SYNPR: variants seen among roughly 807,000 people sequenced by gnomAD.
SYNPR encodes synaptoporin.
In SYNPR, 23 loss-of-function variants were observed where a neutral mutation model predicts 32.9. That is an observed-to-expected ratio of 0.70 (90% CI 0.50 to 0.99). The LOEUF (loss-of-function observed/expected upper bound fraction) is 0.99. Among genes scored for constraint, SYNPR ranks in the 50% least tolerant of loss-of-function variants. The pLI, the probability that SYNPR is intolerant of heterozygous loss-of-function variation, is 0.00. For missense variants in SYNPR, 318 were observed against 349.3 expected (o/e 0.91, Z 0.71); for synonymous variants, 146 against 135.9 (o/e 1.07, Z -0.52).
At chr3:63,604,640 T>G (rs1176742634) in intron 4 of SYNPR, among the ~76,000 whole-genome samples, 6 of 152,206 alleles carry the variant, frequency 3.9e-5, no homozygotes. Context: ...TTCCATCCAA[T>G]TGTATTATTT....
At chr3:63,437,154 C>T (rs976840028) in intron 2 of SYNPR, among the ~76,000 whole-genome samples, 1 of 151,656 alleles carries the variant, frequency 6.6e-6, no homozygotes. Flanking sequence ...TGGGATTAGA[C>T]ATGAGCCACC....
Position 63,446,799 on chromosome 3 carries a change from C to T in SYNPR, c.85-34033C>T, listed in dbSNP as rs575909196. Reference sequence around the variant, plus strand: ...AACCACCCACCACAAATTGGAAGAACTAAGAGTCAAGTTTTGAAGTGGTTA... The same window carrying T: ...AACCACCCACCACAAATTGGAAGAATTAAGAGTCAAGTTTTGAAGTGGTTA... On this transcript the variant is annotated intron_variant, in intron 2 of 5. Transcript: ENST00000478300. Among the ~76,000 whole-genome samples the T allele has an allele frequency of 1.5e-3, 222 of 152,236 alleles. 1 individual carries two copies. Among genetic ancestry groups the T allele is most frequent in the Non-Finnish European group, 1.8e-3 (121 of 68,018 alleles).
Position 63,616,459 on chromosome 3 carries a change from C to T in SYNPR, c.*978C>T, listed in dbSNP as rs1213844831. ...ATTTATAAAGAATATTCTGTAGAAC[C>T]TCTACTACCAGCTATATTTTTAAAT... On this transcript the variant is annotated 3_prime_UTR_variant, in exon 6 of 6. Transcript: ENST00000478300. 3 of 152,568 alleles carry T rather than the reference C, an allele frequency of 2.0e-5. No individual in the cohort carries two copies. The highest frequency in any genetic ancestry group is 4.4e-5 in the Non-Finnish European group (3 of 68,036). The allele number at this position is 152,568 out of a possible 1,614,324, so 9.5% of individuals were successfully genotyped here. A position where few individuals can be genotyped will look rare whatever the true frequency, so the allele number is the denominator to read the frequency against.
At chr3:63,206,261 A>G in the SYNPR span, among the ~76,000 whole-genome samples, 1 of 152,262 alleles carries the variant, frequency 6.6e-6, no homozygotes, top group South Asian at 2.1e-4. Flanking sequence ...TTAGGGGGGG[A>G]AAGGCTCTGA....
At chr3:63,376,047 TC>T in intron 2 of SYNPR, among the ~76,000 whole-genome samples, 1 of 152,244 alleles carries the variant, frequency 6.6e-6, no homozygotes, top group African/African-American at 2.4e-5. Flanking sequence ...TCTTCTGTTT[TC>T]TCCCTTGTCT....
At chr3:63,493,467 T>TC (rs1701294342) in intron 3 of SYNPR, among the ~76,000 whole-genome samples, 12 of 152,022 alleles carry the variant, frequency 7.9e-5, no homozygotes, top group Admixed American at 7.2e-4. Context: ...ACTCTCTCAA[T>TC]GATAGGTTGA....
At chr3:63,506,785 G>A (rs6807455) in intron 3 of SYNPR, among the ~76,000 whole-genome samples, 56,917 of 151,938 alleles carry the variant, frequency 0.37, 10,841 homozygotes, top group Non-Finnish European at 0.43. Context: ...AATCTTAAAA[G>A]GATCATTTTA....
At chr3:63,369,870 T>C (rs899091737) in intron 2 of SYNPR, among the ~76,000 whole-genome samples, 4 of 152,232 alleles carry the variant, frequency 2.6e-5, no homozygotes, top group African/African-American at 9.7e-5. Context: ...TGAGGTTGAT[T>C]TGAGTTCATG....
intron 4 of SYNPR, among the ~76,000 whole-genome samples, chr3:63,585,137 A>T (rs1009115776): frequency 7.9e-5 from 12 of 152,130 alleles, no homozygotes; most frequent in African/African-American, 2.9e-4. Context: ...AAAAATTCCC[A>T]CTGCAAAAAA....
At chr3:63,376,470 G>T (rs1043100509) in intron 2 of SYNPR, among the ~76,000 whole-genome samples, 3 of 151,960 alleles carry the variant, frequency 2.0e-5, no homozygotes, top group Non-Finnish European at 4.4e-5. Context: ...CCTCACTATA[G>T]GCTTCTCTCT....
chr3:63,588,456 G>T (rs1326954826), intron 4 of SYNPR, among the ~76,000 whole-genome samples: 1 of 152,040 alleles, frequency 6.6e-6, no homozygotes, highest in Admixed American at 6.6e-5. Context: ...AAGTAGATAC[G>T]GCTAGTTGTT....
intron 2 of SYNPR, among the ~76,000 whole-genome samples, chr3:63,414,117 C>T (rs2088506123): frequency 6.6e-6 from 1 of 151,710 alleles, no homozygotes; most frequent in Non-Finnish European, 1.5e-5. Flanking sequence ...TGATTGACAA[C>T]CTCTGTTTTG....
chr3:63,610,601 A>C (rs6445369), intron 5 of SYNPR: 317,477 of 633,016 alleles, frequency 0.5, 81,482 homozygotes, highest in African/African-American at 0.66. Flanking sequence ...GTCTCACAAT[A>C]ATTTTTATTC....
At chr3:63,453,591 A>G (rs1700423106) in intron 2 of SYNPR, among the ~76,000 whole-genome samples, 1 of 152,148 alleles carries the variant, frequency 6.6e-6, no homozygotes, top group African/African-American at 2.4e-5. Flanking sequence ...TATCAGACAA[A>G]CATTAAATGA....
chr3:63,393,015 T>C (rs547229630), intron 2 of SYNPR, among the ~76,000 whole-genome samples: 1 of 152,182 alleles, frequency 6.6e-6, no homozygotes, highest in Non-Finnish European at 1.5e-5. Flanking sequence ...CTAAATGGTG[T>C]GGATGGGAGT....
chr3:63,412,506 A>G (rs1440458216), intron 2 of SYNPR, among the ~76,000 whole-genome samples: 1 of 152,184 alleles, frequency 6.6e-6, no homozygotes, highest in Non-Finnish European at 1.5e-5. Flanking sequence ...AGTTTATAGT[A>G]TAGCTGAGAC....
At chr3:63,294,087 G>A (rs910814390) in intron 2 of SYNPR, among the ~76,000 whole-genome samples, 6 of 152,048 alleles carry the variant, frequency 3.9e-5, no homozygotes, top group Non-Finnish European at 8.8e-5. Flanking sequence ...TAATTTTAAT[G>A]TCTATATGTG....
chr3:63,429,448 G>A (rs1375426580), intron 2 of SYNPR, among the ~76,000 whole-genome samples: 2 of 152,112 alleles, frequency 1.3e-5, no homozygotes, highest in Non-Finnish European at 2.9e-5. Context: ...TACCAGGACT[G>A]GCACCATCTT....
At chr3:63,604,673 T>C (rs1478542356) in intron 4 of SYNPR, among the ~76,000 whole-genome samples, 1 of 152,204 alleles carries the variant, frequency 6.6e-6, no homozygotes, top group East Asian at 1.9e-4. Context: ...TTAGCACTGA[T>C]TTCTATTTTT....
Sources: gnomAD v4.1 joint callset for allele counts (sites outside exome capture counted in the v4.1 genomes callset) on GRCh38, gnomAD v4.1.1 for gene constraint, MANE v1.5 for transcripts, NCBI Gene and HGNC (gene_info 2026-07-23, HGNC 2026-07-21) for gene names.